HBS1L: variants seen among roughly 807,000 people sequenced by gnomAD.
The protein encoded by HBS1L is HBS1-like protein.
HBS1L carries 55 observed loss-of-function variants against 88.9 expected under a neutral mutation model. The ratio of observed to expected loss-of-function variants is 0.62; its 90% CI spans 0.50 to 0.77. The LOEUF (loss-of-function observed/expected upper bound fraction) is 0.77, where lower values mean the gene tolerates loss of function less well. Among genes scored for constraint, HBS1L ranks in the 30% least tolerant of loss-of-function variants. The pLI, the probability that HBS1L is intolerant of heterozygous loss-of-function variation, is 0.00. For synonymous variants in HBS1L, 267 were observed against 288.5 expected, an observed-to-expected ratio of 0.93 and a Z score of 0.76; for missense variants, 741 against 829.3, an observed-to-expected ratio of 0.89 and a Z score of 1.31.
At chr6:135,030,844 T>C (rs540586022) in intron 4 of HBS1L, among the ~76,000 whole-genome samples, 3 of 151,202 alleles carry the variant, frequency 2.0e-5, no homozygotes, top group African/African-American at 7.2e-5. Flanking sequence ...CTAATCACAA[T>C]TTACTTGTAA....
chr6:134,996,464 T>A (rs962286357), intron 7 of HBS1L, among the ~76,000 whole-genome samples: 1 of 152,214 alleles, frequency 6.6e-6, no homozygotes, highest in African/African-American at 2.4e-5. Flanking sequence ...ATTTGACAAA[T>A]ACTTAGGGAA....
chr6:134,989,800 G>A (rs1378847955), intron 8 of HBS1L, among the ~76,000 whole-genome samples: 1 of 152,046 alleles, frequency 6.6e-6, no homozygotes, highest in Admixed American at 6.6e-5. Flanking sequence ...TTTCCTCAAT[G>A]AGATCCAGCT....
At chr6:134,966,216 T>G in intron 17 of HBS1L, 113 bp downstream of exon 17, 2 of 919,016 alleles carry the variant, frequency 2.2e-6, no homozygotes, top group Non-Finnish European at 3.2e-6. Flanking sequence ...AGGCTTCTCC[T>G]AATCAATGCT....
At chr6:135,041,127 T>C (rs993794223) in intron 3 of HBS1L, among the ~76,000 whole-genome samples, 3 of 142,998 alleles carry the variant, frequency 2.1e-5, no homozygotes, top group Non-Finnish European at 1.5e-5. Flanking sequence ...ACAAGTAATC[T>C]ACTGGCAATA....
intron 4 of HBS1L, among the ~76,000 whole-genome samples, chr6:135,035,702 G>C (rs1776517886): frequency 7.1e-6 from 1 of 140,118 alleles, no homozygotes; most frequent in Non-Finnish European, 1.5e-5. Flanking sequence ...AGTGAGCAGA[G>C]ATCGCGCCAC....
chr6:135,000,459 T>C (rs1480432244), intron 5 of HBS1L, among the ~76,000 whole-genome samples: 1 of 149,492 alleles, frequency 6.7e-6, no homozygotes. Flanking sequence ...TTAATCTTTC[T>C]TCTGGAGTTA....
chr6:135,028,980 T>C (rs753047133), intron 4 of HBS1L, among the ~76,000 whole-genome samples: 47 of 152,078 alleles, frequency 3.1e-4, no homozygotes, highest in Non-Finnish European at 6.5e-4. Context: ...TAAGACAGCC[T>C]ACCAAAAAAT....
intron 4 of HBS1L, among the ~76,000 whole-genome samples, chr6:135,026,154 T>C (rs138942545): frequency 6.6e-6 from 1 of 152,184 alleles, no homozygotes; most frequent in Non-Finnish European, 1.5e-5. Flanking sequence ...TTTAATAAAT[T>C]GTTTAAAAAA....
chr6:135,020,566 T>A (rs778503421), intron 4 of HBS1L, among the ~76,000 whole-genome samples: 3 of 151,928 alleles, frequency 2.0e-5, no homozygotes, highest in Non-Finnish European at 4.4e-5. Context: ...AAATACAAAA[T>A]CCTTCAGTGG....
chr6:135,018,321 T>A (rs1043885505), intron 4 of HBS1L, among the ~76,000 whole-genome samples: 2 of 152,052 alleles, frequency 1.3e-5, no homozygotes, highest in Non-Finnish European at 1.5e-5. Flanking sequence ...ATGAATTATT[T>A]TCTCACTTTA....
intron 4 of HBS1L, among the ~76,000 whole-genome samples, chr6:135,013,895 A>C (rs1306130126): frequency 6.6e-6 from 1 of 152,168 alleles, no homozygotes. Flanking sequence ...ATGTAATGGT[A>C]ATTTAAAAAA....
At chr6:135,019,095 T>C (rs139863189) in intron 4 of HBS1L, among the ~76,000 whole-genome samples, 66 of 151,936 alleles carry the variant, frequency 4.3e-4, no homozygotes, top group African/African-American at 1.5e-3. Context: ...TAATGGCTCA[T>C]TCAGCATTGC....
At position 134,966,462 on chromosome 6, in the gene HBS1L, T is replaced by C. The variant is rs1374642673; in HGVS notation, c.1910A>G (p.Lys637Arg). The change falls in exon 17 of 18, where the codon AAA becomes AGA. Residue 637 changes from lysine (K) to arginine (R), a missense_variant. Transcript: ENST00000367837. ...TAGCTCTACCAATGCATTCTGGCCT[T>C]TAGTCAAAAACCTATTAAGAAAAAA... Reference protein sequence around the residue: ...VTKKKPKFLTKGQNALVELQT... With the variant: ...VTKKKPKFLTRGQNALVELQT... 4 of 1,590,574 alleles carry C rather than the reference T, an allele frequency of 2.5e-6. No individual in the cohort carries two copies. The Admixed American group carries it at 7.1e-5, about 28-fold the overall frequency.
intron 4 of HBS1L, among the ~76,000 whole-genome samples, chr6:135,012,226 T>A (rs985941339): frequency 1.3e-5 from 2 of 152,148 alleles, no homozygotes; most frequent in Non-Finnish European, 2.9e-5. Flanking sequence ...AGATATAGAA[T>A]TAGAAGACCT....
At chr6:134,981,899 C>A (rs1464567292) in intron 13 of HBS1L, among the ~76,000 whole-genome samples, 2 of 151,852 alleles carry the variant, frequency 1.3e-5, no homozygotes, top group Non-Finnish European at 2.9e-5. Context: ...GATCTATATG[C>A]AGAAACAGTG....
Position 135,050,631 on chromosome 6 carries a change from A to G in HBS1L, c.60T>C (p.Asp20=), listed in dbSNP as rs1405272299. 1 of 1,591,178 alleles carries G rather than the reference A, an allele frequency of 6.3e-7. No individual in the cohort carries two copies. Among genetic ancestry groups the G allele is most frequent in the East Asian group, 2.2e-5 (1 of 44,630 alleles). ...YNYDEDFEDD[D]LYGQSVEDDY... ...CATCCTCTACAGACTGGCCGTAGAG[A>G]TCATCATCTTCAAAATCTAAAATAA... The change falls in exon 2 of 18, where the codon GAT becomes GAC. Residue 20 remains aspartate, a synonymous_variant. Transcript: ENST00000367837.
chr6:135,042,639 T>G (rs913532961), intron 2 of HBS1L, among the ~76,000 whole-genome samples: 1 of 151,736 alleles, frequency 6.6e-6, no homozygotes, highest in African/African-American at 2.4e-5. Context: ...TGAAACCCCA[T>G]CTCTACTAAA....
intron 4 of HBS1L, among the ~76,000 whole-genome samples, chr6:135,033,205 T>C (rs1371600718): frequency 6.6e-6 from 1 of 152,194 alleles, no homozygotes; most frequent in Non-Finnish European, 1.5e-5. Flanking sequence ...TTGATCATAA[T>C]GCAAATAAAA....
intron 15 of HBS1L, among the ~76,000 whole-genome samples, chr6:134,976,543 A>T (rs567960464): frequency 6.6e-6 from 1 of 152,118 alleles, no homozygotes; most frequent in African/African-American, 2.4e-5. Flanking sequence ...GAGAAAACGT[A>T]TATGTACACC....
Sources: gnomAD v4.1 joint callset for allele counts (sites outside exome capture counted in the v4.1 genomes callset) on GRCh38, gnomAD v4.1.1 for gene constraint, MANE v1.5 for transcripts, NCBI Gene and HGNC (gene_info 2026-07-23, HGNC 2026-07-21) for gene names.